Variants in CACNA1C observed in about 807,000 individuals in gnomAD.
CACNA1C encodes the protein calcium voltage-gated channel subunit alpha1 C, also known as voltage-dependent L-type calcium channel subunit alpha-1C.
A neutral mutation model predicts 229.0 loss-of-function variants in CACNA1C; 30 were observed. The ratio of observed to expected loss-of-function variants is 0.13; its 90% confidence interval spans 0.10 to 0.18. The LOEUF (loss-of-function observed/expected upper bound fraction) is 0.18. Among genes scored for constraint, CACNA1C ranks in the 10% least tolerant of loss-of-function variants. The pLI is 1.00. For synonymous variants in CACNA1C, 1,114 were observed against 1,132.5 expected (o/e 0.98, Z 0.33); for missense variants, 1,658 against 2,845.0 (o/e 0.58, Z 9.49).
Position 2,231,918 on chromosome 12 carries a change from AT to A in CACNA1C, c.477+111497del, listed in dbSNP as rs758928497. ...AACACACTGCTTAGTTTGTCTTTTT[AT>A]TTTTTTTTACATTTTATTTTGAAAT... On this transcript the variant is annotated intron_variant, in intron 3 of 46. Transcript: ENST00000399655. Among the ~76,000 whole-genome samples the A allele has an allele frequency of 3.3e-5, 5 of 151,336 alleles. 1 individual carries two copies. The highest frequency in any genetic ancestry group is 2.6e-4 in the Admixed American group (4 of 15,194).
Position 2,602,311 on chromosome 12 carries a change from G to A in CACNA1C, c.2960+351G>A, listed in dbSNP as rs2072829804. 2.0e-5 allele frequency among the ~76,000 whole-genome samples: 3 copies of A among 152,176 alleles called. No homozygotes were observed. In the South Asian group the frequency reaches 6.2e-4, roughly 32 times the overall value. On this transcript the variant is annotated intron_variant, in intron 22 of 46. Coordinates refer to ENST00000399655, the MANE Select transcript of CACNA1C (RefSeq NM_000719.7). This position sits in a 1 kb window ranked among gnomAD's most constrained non-coding sequence, Gnocchi z 4.4. ...CTTCAGCAACCCACAGTCTGCCACT[G>A]CCGTGACCTCCCCTGACCTGGACCC... is the stretch of plus-strand genomic sequence containing the variant.
At chr12:2,079,572 A>G (rs113316854) in intron 1 of CACNA1C, among the ~76,000 whole-genome samples, 1 of 152,150 alleles carries the variant, frequency 6.6e-6, no homozygotes, top group Non-Finnish European at 1.5e-5. Context: ...TTATGACCTA[A>G]TTACCTCCAG....
intron 3 of CACNA1C, among the ~76,000 whole-genome samples, chr12:2,289,854 T>C (rs2154449646): frequency 6.6e-6 from 1 of 152,328 alleles, no homozygotes; most frequent in Middle Eastern, 3.4e-3. Flanking sequence ...AAGTTACCCT[T>C]CTGATAAGAG....
At chr12:2,338,599 T>C (rs919055016) in intron 3 of CACNA1C, among the ~76,000 whole-genome samples, 7 of 151,984 alleles carry the variant, frequency 4.6e-5, no homozygotes, top group Admixed American at 2.6e-4. Context: ...TGCCATTCTT[T>C]TGCTCCCCAG....
chr12:2,001,005 C>G (rs1427462956), intron 1 of CACNA1C, among the ~76,000 whole-genome samples: 2 of 150,536 alleles, frequency 1.3e-5, no homozygotes, highest in Non-Finnish European at 2.9e-5. Context: ...CCATTGCACT[C>G]CAGCCTGGGG....
At chr12:2,142,824 G>A (rs1031525414) in intron 3 of CACNA1C, among the ~76,000 whole-genome samples, 3 of 151,034 alleles carry the variant, frequency 2.0e-5, no homozygotes, top group African/African-American at 7.3e-5. Flanking sequence ...TAAAAGAAAA[G>A]TATTTTTGTA....
intron 1 of CACNA1C, among the ~76,000 whole-genome samples, chr12:2,027,877 A>G (rs747005908): frequency 2.0e-5 from 3 of 152,220 alleles, no homozygotes; most frequent in Non-Finnish European, 2.9e-5. Context: ...TATTTAGAGA[A>G]AACACACAGA....
At chr12:2,502,166 A>G (rs981919461) in intron 7 of CACNA1C, among the ~76,000 whole-genome samples, 2 of 152,220 alleles carry the variant, frequency 1.3e-5, no homozygotes, top group Non-Finnish European at 2.9e-5. Context: ...TGCAGCTGCC[A>G]GCCTGCACTG....
chr12:2,513,252 C>CT (rs1053471796), intron 9 of CACNA1C, among the ~76,000 whole-genome samples: 1 of 152,194 alleles, frequency 6.6e-6, no homozygotes, highest in African/African-American at 2.4e-5. Context: ...AAGGCAGAGG[C>CT]TTTTTTAAAA....
chr12:2,685,622 G>T, intron 43 of CACNA1C, 114 bp from the exon 44 acceptor site: 1 of 752,588 alleles, frequency 1.3e-6, no homozygotes, highest in Non-Finnish European at 2.4e-6. Context: ...TAAGCACAAA[G>T]TGTGCGTCCC....
chr12:2,291,945 C>T (rs904540688), intron 3 of CACNA1C, among the ~76,000 whole-genome samples: 1 of 152,148 alleles, frequency 6.6e-6, no homozygotes, highest in Admixed American at 6.5e-5. Context: ...AGCATTTTTC[C>T]AACTGAGAAG....
At chr12:2,615,819 A>C (rs1455601886) in intron 29 of CACNA1C, among the ~76,000 whole-genome samples, 1 of 152,166 alleles carries the variant, frequency 6.6e-6, no homozygotes. Flanking sequence ...CAGCAAGGGT[A>C]CTGGGGGGGA....
chr12:2,664,485 C>T (rs961016612), intron 34 of CACNA1C, among the ~76,000 whole-genome samples: 7 of 151,996 alleles, frequency 4.6e-5, no homozygotes, highest in South Asian at 4.1e-4. Context: ...GATTTTTTTA[C>T]GGTAAGTTCA....
intron 3 of CACNA1C, among the ~76,000 whole-genome samples, chr12:2,235,174 G>A (rs542138013): frequency 6.6e-6 from 1 of 152,304 alleles, no homozygotes; most frequent in African/African-American, 2.4e-5. Flanking sequence ...GGGAATACCT[G>A]GAGAGTAAAC....
chr12:2,185,252 G>T (rs1298797652), intron 3 of CACNA1C, among the ~76,000 whole-genome samples: 1 of 152,164 alleles, frequency 6.6e-6, no homozygotes, highest in Non-Finnish European at 1.5e-5. Flanking sequence ...GAGTTGTTCT[G>T]CAGGAGAGAA....
chr12:2,510,641 A>G (rs973209663), intron 8 of CACNA1C, among the ~76,000 whole-genome samples: 6 of 152,098 alleles, frequency 3.9e-5, no homozygotes, highest in African/African-American at 1.4e-4. Context: ...TATTCTCCCA[A>G]TTCCAAAAGA....
At chr12:2,426,412 A>T (rs558710754) in intron 3 of CACNA1C, among the ~76,000 whole-genome samples, 1 of 152,332 alleles carries the variant, frequency 6.6e-6, no homozygotes, top group East Asian at 1.9e-4. Flanking sequence ...AAGAATGGGT[A>T]AAATCTGAGG....
chr12:2,347,988 G>A (rs1394002832), intron 3 of CACNA1C, among the ~76,000 whole-genome samples: 2 of 152,260 alleles, frequency 1.3e-5, no homozygotes, highest in Non-Finnish European at 2.9e-5. Context: ...CCGGACTGTT[G>A]GAAACAGTCT....
chr12:2,513,535 G>A (rs1598541637), intron 9 of CACNA1C, among the ~76,000 whole-genome samples: 2 of 152,338 alleles, frequency 1.3e-5, no homozygotes, highest in Non-Finnish European at 1.5e-5. Flanking sequence ...AGAGGAATTC[G>A]GCAGAATGCA....
Sources: allele counts gnomAD v4.1 joint callset (sites outside exome capture counted in the v4.1 genomes callset), GRCh38; gene constraint gnomAD v4.1.1; non-coding constraint Gnocchi (gnomAD v3.1); transcripts MANE v1.5; gene names NCBI Gene and HGNC (gene_info 2026-07-23, HGNC 2026-07-21).